KITLG: variants seen among roughly 807,000 people sequenced by gnomAD.
KITLG encodes the protein KIT ligand, also known as c-Kit ligand.
A neutral mutation model predicts 34.1 loss-of-function variants in KITLG; 13 were observed. The ratio of observed to expected loss-of-function variants is 0.38; its 90% confidence interval spans 0.25 to 0.61. KITLG has a LOEUF of 0.61. KITLG is among the 20% of genes least tolerant of loss of function. The pLI, the probability that KITLG is intolerant of heterozygous loss-of-function variation, is 0.60. For synonymous variants in KITLG, 110 were observed against 104.0 expected, an observed-to-expected ratio of 1.06 and a Z score of -0.35; for missense variants, 292 against 318.9, an observed-to-expected ratio of 0.92 and a Z score of 0.64.
In KITLG at chr12:88,494,046, G is replaced by A. The variant is rs753207009; in HGVS notation, c.*3173C>T. 3 of 151,494 alleles carry A rather than the reference G, an allele frequency of 2.0e-5. No homozygotes were observed. Among genetic ancestry groups the A allele is most frequent in the Non-Finnish European group, 4.4e-5 (3 of 67,762 alleles). 9.4% of individuals were successfully genotyped at this position (151,494 alleles called of 1,614,324 possible). A position where few individuals can be genotyped will look rare whatever the true frequency, so the allele number is the denominator to read the frequency against. On this transcript the variant is annotated 3_prime_UTR_variant, in exon 10 of 10. Transcript: ENST00000644744. ...TCAATGCTATTTTGTCTTCTTTGTC[G>A]GTCATATTGCAATAGGACTCACCCC...
At chr12:88,521,764 G>A (rs1325961493) in intron 3 of KITLG, among the ~76,000 whole-genome samples, 2 of 152,132 alleles carry the variant, frequency 1.3e-5, no homozygotes, top group African/African-American at 2.4e-5. Flanking sequence ...TCTGCTTTGA[G>A]TGTAAAAACT....
chr12:88,543,173 AC>A (rs1394279510), intron 2 of KITLG, among the ~76,000 whole-genome samples: 2 of 152,328 alleles, frequency 1.3e-5, no homozygotes, highest in African/African-American at 4.8e-5. Context: ...CAGGTTTGTT[AC>A]ATAGGTATAC....
chr12:88,503,732 C>T (rs928973311), intron 9 of KITLG, among the ~76,000 whole-genome samples: 2 of 152,114 alleles, frequency 1.3e-5, no homozygotes, highest in African/African-American at 2.4e-5. Context: ...ACAATCCCTC[C>T]GCAGACCCAC....
At chr12:88,507,167 C>T (rs1566018776) in intron 6 of KITLG, 30 bp from the exon 7 acceptor site, 1 of 1,300,154 alleles carries the variant, frequency 7.7e-7, no homozygotes, top group Non-Finnish European at 1.1e-6. Flanking sequence ...CTGATGAATA[C>T]AGCATATCCA....
chr12:88,564,365 G>A (rs1871379292), intron 1 of KITLG: 1 of 140,656 alleles, frequency 7.1e-6, no homozygotes, highest in Non-Finnish European at 1.6e-5. Context: ...AGAAGGGGAT[G>A]GAAGAACAAA....
intron 6 of KITLG, 152 bp from the exon 7 acceptor site, chr12:88,507,289 C>A: frequency 1.6e-6 from 1 of 615,096 alleles, no homozygotes; most frequent in Admixed American, 2.8e-5. Flanking sequence ...CTGAATATTG[C>A]TTTTGCAAGG....
chr12:88,546,021 C>T (rs1250123110), intron 1 of KITLG, 156 bp from the exon 2 acceptor site: 1 of 729,438 alleles, frequency 1.4e-6, no homozygotes. Context: ...GCTATGCTCA[C>T]CAAAGTTTTT....
intron 1 of KITLG, among the ~76,000 whole-genome samples, chr12:88,578,943 T>C (rs2121000442): frequency 6.6e-6 from 1 of 152,308 alleles, no homozygotes; most frequent in Non-Finnish European, 1.5e-5. Flanking sequence ...TGATTCCAGG[T>C]GCGGTGCTCA....
In KITLG at chr12:88,580,369, G is replaced by C; in HGVS notation, c.-91C>G. The C allele has an allele frequency of 6.9e-7, 1 of 1,456,112 alleles. No individual in the cohort carries two copies. Among genetic ancestry groups the C allele is most frequent in the Non-Finnish European group, 9.5e-7 (1 of 1,051,424 alleles). The allele number at this position is 1,456,112 out of a possible 1,614,324, so 90.2% of individuals were successfully genotyped here. ...GCTCCAGCATATTGCACGAACAGCG[G>C]CGGCAGATAGTCCACGCATTGGGTA... On this transcript the variant is annotated 5_prime_UTR_variant, in exon 1 of 10. Coordinates refer to ENST00000644744, the MANE Select transcript of KITLG (RefSeq NM_000899.5).
At chr12:88,555,991 T>TGGGGAGGGGGGCATTTG (rs1871084982) in intron 1 of KITLG, among the ~76,000 whole-genome samples, 1 of 151,746 alleles carries the variant, frequency 6.6e-6, no homozygotes, top group East Asian at 2.0e-4. Context: ...AAACCTGACT[T>TGGGGAGGGGGGCATTTG]GGGGAGGGGG....
chr12:88,548,893 C>T (rs1050834595), intron 1 of KITLG, among the ~76,000 whole-genome samples: 1 of 152,082 alleles, frequency 6.6e-6, no homozygotes, highest in Non-Finnish European at 1.5e-5. Context: ...TCGAGAAGAG[C>T]CATAGAACTA....
intron 1 of KITLG, among the ~76,000 whole-genome samples, chr12:88,565,263 A>G (rs1235820809): frequency 6.6e-6 from 1 of 152,190 alleles, no homozygotes; most frequent in Non-Finnish European, 1.5e-5. Context: ...AAGCATCTTG[A>G]GTGTGGGTGA....
intron 6 of KITLG, among the ~76,000 whole-genome samples, chr12:88,513,977 C>CA (rs1312927528): frequency 6.6e-6 from 1 of 151,392 alleles, no homozygotes; most frequent in African/African-American, 2.4e-5. Context: ...CAGTACATTT[C>CA]AAAAAAATTA....
chr12:88,506,335 A>T lies in KITLG; in HGVS notation c.758T>A (p.Ile253Asn). ...SLTRAVENIQ[I>N]NEEDNEISML... ...CCTTATCTCATTATCCTCTTCATTA[A>T]TTTGTATATTTTCAACTGCCCTTGT... The change falls in exon 8 of 10, where the codon ATT becomes AAT. Residue 253 changes from isoleucine (I) to asparagine (N), a missense_variant. This residue lies in a region of KITLG where 140 missense variants were observed against 111.0 expected (regional missense o/e 1.26). Transcript: ENST00000644744. 1 of 1,610,120 alleles carries T rather than the reference A, an allele frequency of 6.2e-7. No homozygotes were observed. The highest frequency in any genetic ancestry group is 8.5e-7 in the Non-Finnish European group (1 of 1,176,388).
At chr12:88,506,199 A>C in intron 8 of KITLG, 112 bp downstream of exon 8, 8 of 772,566 alleles carry the variant, frequency 1.0e-5, no homozygotes, top group Non-Finnish European at 1.9e-5. Flanking sequence ...CTCACTGGTT[A>C]GGAGCTACTG....
chr12:88,534,115 T>C (rs1194692849), intron 2 of KITLG, among the ~76,000 whole-genome samples: 3 of 152,172 alleles, frequency 2.0e-5, no homozygotes, highest in Non-Finnish European at 4.4e-5. Flanking sequence ...CCCGCTGACA[T>C]ATTACCTCTA....
Position 88,580,367 on chromosome 12 carries a change from C to T in KITLG, c.-89G>A. ...GAGCTCCAGCATATTGCACGAACAGCGGCGGCAGATAGTCCACGCATTGGG... is the reference window on the plus strand; with the variant it reads ...GAGCTCCAGCATATTGCACGAACAGTGGCGGCAGATAGTCCACGCATTGGG... On this transcript the variant is annotated 5_prime_UTR_variant, in exon 1 of 10. Transcript: ENST00000644744. 2.0e-6 allele frequency: 3 copies of T among 1,486,856 alleles called. No homozygotes were observed. Among genetic ancestry groups the T allele is most frequent in the Non-Finnish European group, 2.8e-6 (3 of 1,077,960 alleles). The allele number at this position is 1,486,856 out of a possible 1,614,324, so 92.1% of individuals were successfully genotyped here. A position where few individuals can be genotyped will look rare whatever the true frequency, so the allele number is the denominator to read the frequency against.
chr12:88,545,727 G>A (rs1398898500), intron 2 of KITLG, 25 bp downstream of exon 2: 1 of 1,289,016 alleles, frequency 7.8e-7, no homozygotes, highest in Non-Finnish European at 1.1e-6. Context: ...TTTTTACACA[G>A]CACGGTAAAG....
rs533082646 is a variant in KITLG at position 88,565,884 on chromosome 12, C to G, written c.15+14380G>C. On this transcript the variant is annotated intron_variant, in intron 1 of 9. Coordinates refer to ENST00000644744, the MANE Select transcript of KITLG (RefSeq NM_000899.5). ...AACACATTTAGCTCAGGACCTGGCA[C>G]AGAGAATAAGCATCGGAAATCAACA... 7.9e-5 allele frequency among the ~76,000 whole-genome samples: 12 copies of G among 152,162 alleles called. 1 individual carries two copies. Among genetic ancestry groups the G allele is most frequent in the Non-Finnish European group, 1.6e-4 (11 of 68,032 alleles).
Sources: allele counts gnomAD v4.1 joint callset (sites outside exome capture counted in the v4.1 genomes callset), GRCh38; gene constraint gnomAD v4.1.1; regional missense constraint gnomAD v4.1.1; transcripts MANE v1.5; gene names NCBI Gene and HGNC (gene_info 2026-07-23, HGNC 2026-07-21).